The following ADGRL3 variants were observed in gnomAD, a reference collection of about 807,000 sequenced individuals.
ADGRL3 encodes the protein calcium-independent alpha-latrotoxin receptor 3.
Under a neutral mutation model 153.5 loss-of-function variants are expected in ADGRL3, and 62 were observed. That is an observed-to-expected ratio of 0.40 (90% CI 0.33 to 0.50). ADGRL3 has a LOEUF of 0.50. ADGRL3 is among the 20% of genes least tolerant of loss of function. The probability of loss-of-function intolerance (pLI) is 0.47; values close to 1 mark genes in which losing one functional copy is unlikely to be tolerated. For synonymous variants in ADGRL3, 710 were observed against 672.5 expected (o/e 1.06, Z -0.86); for missense variants, 1,641 against 1,859.4 (o/e 0.88, Z 2.16).
At chr4:61,715,743 C>T (rs2096096594) in intron 6 of ADGRL3, among the ~76,000 whole-genome samples, 2 of 151,958 alleles carry the variant, frequency 1.3e-5, no homozygotes, top group African/African-American at 4.8e-5. Context: ...TCTTTCCACT[C>T]TATTGCCATA....
chr4:61,520,652 CTGTGTG>C (rs545112505), intron 4 of ADGRL3, among the ~76,000 whole-genome samples: 19 of 118,486 alleles, frequency 1.6e-4, no homozygotes, highest in African/African-American at 4.1e-4. Flanking sequence ...CTATAAACCT[CTGTGTG>C]TGTGTGTGTG....
chr4:61,878,942 ATCT>A (rs993674339), intron 9 of ADGRL3, among the ~76,000 whole-genome samples: 10 of 152,164 alleles, frequency 6.6e-5, no homozygotes, highest in Non-Finnish European at 1.5e-4. Flanking sequence ...AAATAGTTTG[ATCT>A]TCTTCATATT....
At chr4:61,907,890 C>T (rs1236512167) in intron 11 of ADGRL3, among the ~76,000 whole-genome samples, 2 of 152,276 alleles carry the variant, frequency 1.3e-5, no homozygotes, top group Admixed American at 6.5e-5. Context: ...GAATGCCTAA[C>T]TTTCTGAGAA....
intron 4 of ADGRL3, among the ~76,000 whole-genome samples, chr4:61,552,949 G>T (rs750872911): frequency 2.6e-5 from 4 of 152,080 alleles, no homozygotes; most frequent in Non-Finnish European, 5.9e-5. Context: ...CTTACAGTGT[G>T]TCAGACCATG....
At chr4:61,267,879 T>G (rs1354402457) in intron 1 of ADGRL3, among the ~76,000 whole-genome samples, 1 of 151,590 alleles carries the variant, frequency 6.6e-6, no homozygotes, top group African/African-American at 2.4e-5. Context: ...AATTATAAAA[T>G]AGGTAGCATA....
At chr4:61,569,106 G>A (rs896739682) in intron 4 of ADGRL3, among the ~76,000 whole-genome samples, 4 of 152,034 alleles carry the variant, frequency 2.6e-5, no homozygotes, top group African/African-American at 9.7e-5. Context: ...ATTTGTATTG[G>A]TTTAAGAGAA....
At chr4:61,463,628 G>T (rs1296108420) in intron 2 of ADGRL3, among the ~76,000 whole-genome samples, 1 of 152,120 alleles carries the variant, frequency 6.6e-6, no homozygotes, top group Non-Finnish European at 1.5e-5. Context: ...CATGCTAAAT[G>T]TGGCAATCCT....
At chr4:61,851,438 A>G (rs2098201446) in intron 9 of ADGRL3, among the ~76,000 whole-genome samples, 1 of 151,826 alleles carries the variant, frequency 6.6e-6, no homozygotes, top group Admixed American at 6.6e-5. Flanking sequence ...AAAAATTAAA[A>G]ATCAGCCAGG....
chr4:61,809,078 T>C (rs2097580727), intron 8 of ADGRL3, among the ~76,000 whole-genome samples: 1 of 151,976 alleles, frequency 6.6e-6, no homozygotes, highest in Non-Finnish European at 1.5e-5. Flanking sequence ...TGATCAACAG[T>C]TGAAAAATTT....
chr4:62,033,577 A>G (rs1255556308), intron 23 of ADGRL3, among the ~76,000 whole-genome samples: 1 of 151,700 alleles, frequency 6.6e-6, no homozygotes, highest in Admixed American at 6.6e-5. Flanking sequence ...AGATGTCTAG[A>G]TTTGGATAGA....
At chr4:61,531,056 A>C (rs1007110163) in intron 4 of ADGRL3, among the ~76,000 whole-genome samples, 2 of 152,166 alleles carry the variant, frequency 1.3e-5, no homozygotes, top group Non-Finnish European at 2.9e-5. Context: ...ATTGTAATGC[A>C]AATGGAAAAA....
intron 1 of ADGRL3, among the ~76,000 whole-genome samples, chr4:61,258,937 A>C (rs1174341641): frequency 6.6e-6 from 1 of 152,210 alleles, no homozygotes; most frequent in East Asian, 1.9e-4. Flanking sequence ...ATCGCATATC[A>C]AAATAAGAAG....
At chr4:61,667,371 A>T (rs922188742) in intron 5 of ADGRL3, among the ~76,000 whole-genome samples, 17 of 152,128 alleles carry the variant, frequency 1.1e-4, no homozygotes, top group African/African-American at 4.1e-4. Flanking sequence ...GTATTTTTTT[A>T]AATTGCCACT....
chr4:61,766,052 C>T (rs1241653150), intron 8 of ADGRL3, among the ~76,000 whole-genome samples: 2 of 152,026 alleles, frequency 1.3e-5, no homozygotes, highest in African/African-American at 4.8e-5. Flanking sequence ...ATCAATAAAT[C>T]AAGCGTGATC....
intron 5 of ADGRL3, among the ~76,000 whole-genome samples, chr4:61,673,127 G>A (rs2095062831): frequency 6.6e-6 from 1 of 151,858 alleles, no homozygotes; most frequent in Non-Finnish European, 1.5e-5. Context: ...TGGAATCTAA[G>A]AAAGTCAAAC....
chr4:61,616,351 A>G (rs2092004094), intron 5 of ADGRL3, among the ~76,000 whole-genome samples: 2 of 152,192 alleles, frequency 1.3e-5, no homozygotes, highest in Non-Finnish European at 2.9e-5. Flanking sequence ...TAATATTTTT[A>G]TTTTGATAGT....
At position 61,869,936 on chromosome 4, in the gene ADGRL3, T is replaced by TAAAAAAAAAAAAAAAAAAAAAAAAAA. The variant is rs1190618911; in HGVS notation, c.1481-22695_1481-22694insAAAAAAAAAAAAAAAAAAAAAAAAAA. ...CTGGGCAACAAGAGCAAAACTTTGT[T>TAAAAAAAAAAAAAAAAAAAAAAAAAA]AAAAAAAAAAAAAAAAAAAAAAAAA... On this transcript the variant is annotated intron_variant, in intron 9 of 26. Transcript: ENST00000683033. 2.9e-4 allele frequency among the ~76,000 whole-genome samples: 3 copies of TAAAAAAAAAAAAAAAAAAAAAAAAAA among 10,506 alleles called. 1 individual carries two copies. Among genetic ancestry groups the TAAAAAAAAAAAAAAAAAAAAAAAAAA allele is most frequent in the Non-Finnish European group, 5.1e-4 (2 of 3,912 alleles). The allele number at this position is 10,506 out of a possible 152,430, so 6.9% of individuals were successfully genotyped here. A position where few individuals can be genotyped will look rare whatever the true frequency, so the allele number is the denominator to read the frequency against.
chr4:61,773,886 G>T (rs1375572720), intron 8 of ADGRL3, among the ~76,000 whole-genome samples: 1 of 152,268 alleles, frequency 6.6e-6, no homozygotes, highest in Admixed American at 6.5e-5. Context: ...CAAAGGAAAA[G>T]AACTTTGAGC....
At position 61,733,328 on chromosome 4, in the gene ADGRL3, C is replaced by T. The variant is rs750604032; in HGVS notation, c.1173C>T (p.Val391=). 1 of 1,613,454 alleles carries T rather than the reference C, an allele frequency of 6.2e-7. No homozygotes were observed. Among genetic ancestry groups the T allele is most frequent in the South Asian group, 1.1e-5 (1 of 91,048 alleles). ...TGATTTGTGGAATTCTGTATGTGGT[C>T]AAATCTGTATATGAGGATGATGACA... The part of the protein sequence containing the change: ...AFMICGILYV[V]KSVYEDDDNE... The change falls in exon 8 of 27, where the codon GTC becomes GTT. Residue 391 remains valine (V), a synonymous_variant. Coordinates refer to ENST00000683033, the MANE Select transcript of ADGRL3 (RefSeq NM_001387552.1).
Sources: gnomAD v4.1 joint callset for allele counts (sites outside exome capture counted in the v4.1 genomes callset) on GRCh38, gnomAD v4.1.1 for gene constraint, MANE v1.5 for transcripts, NCBI Gene and HGNC (gene_info 2026-07-23, HGNC 2026-07-21) for gene names.